The following DOCK4 variants were observed in gnomAD, a reference collection of about 807,000 sequenced individuals.
DOCK4 encodes dedicator of cytokinesis 4, also known as dedicator of cytokinesis protein 4.
Under a neutral mutation model 268.1 loss-of-function variants are expected in DOCK4, and 97 were observed. The observed-to-expected ratio is 0.36, with a 90% CI of 0.31 to 0.43. The LOEUF is 0.43. Ranked by LOEUF, DOCK4 falls within the 20% of genes least tolerant of loss-of-function variation. The probability of loss-of-function intolerance (pLI) is 1.00; values close to 1 mark genes in which losing one functional copy is unlikely to be tolerated. For missense variants in DOCK4, 2,145 were observed against 2,455.7 expected, an observed-to-expected ratio of 0.87 and a Z score of 2.67; for synonymous variants, 954 against 887.2, an observed-to-expected ratio of 1.08 and a Z score of -1.34.
At chr7:112,093,300 G>T (rs948850954) in intron 1 of DOCK4, among the ~76,000 whole-genome samples, 1 of 152,080 alleles carries the variant, frequency 6.6e-6, no homozygotes, top group Non-Finnish European at 1.5e-5. Context: ...CTCTGTTCCT[G>T]TTAACACTGT....
chr7:112,066,664 C>CATATACATATACAT (rs1484842969), intron 1 of DOCK4, among the ~76,000 whole-genome samples: 2 of 30,108 alleles, frequency 6.6e-5, no homozygotes, highest in Non-Finnish European at 1.0e-4. Context: ...ACATATTATA[C>CATATACATATACAT]ATATACATAT....
rs1041928010 is a variant in DOCK4 at position 111,746,377 on chromosome 7, T to C, written c.4634A>G (p.Asp1545Gly). ...VKEYILSHPE[D>G]GEKIARLREL... ...TCTTAATCGTGCAATTTTCTCCCCA[T>C]CTTCAGGGTGACTTAAGATATATTC... The change falls in exon 44 of 53, where the codon GAT (aspartate) becomes GGT (glycine). Residue 1545 changes from aspartate (D) to glycine (G), a missense_variant. Asp to Gly is a moderately conservative substitution (Grantham distance 94). This residue lies in a region of DOCK4 where 1,598 missense variants were observed against 1,986.7 expected (regional missense o/e 0.80). Transcript: ENST00000428084. 9 of 1,612,884 alleles carry C rather than the reference T, an allele frequency of 5.6e-6. No individual in the cohort carries two copies. The highest frequency in any genetic ancestry group is 1.3e-5 in the African/African-American group (1 of 74,926).
At chr7:111,932,493 G>A (rs1005381007) in intron 12 of DOCK4, among the ~76,000 whole-genome samples, 1 of 152,122 alleles carries the variant, frequency 6.6e-6, no homozygotes, top group African/African-American at 2.4e-5. Context: ...GGATTTGTTT[G>A]TGATCCATAA....
chr7:111,909,917 G>T (rs192625907), intron 13 of DOCK4, among the ~76,000 whole-genome samples: 1 of 150,332 alleles, frequency 6.7e-6, no homozygotes, highest in African/African-American at 2.4e-5. Context: ...AGCCATGATT[G>T]TACTACTACA....
At chr7:111,787,300 A>G (rs1799236985) in intron 32 of DOCK4, among the ~76,000 whole-genome samples, 2 of 152,284 alleles carry the variant, frequency 1.3e-5, no homozygotes, top group South Asian at 4.1e-4. Context: ...CTGAAATGAG[A>G]GCAGTTTTCA....
intron 30 of DOCK4, among the ~76,000 whole-genome samples, chr7:111,794,779 G>A (rs994242018): frequency 6.6e-5 from 10 of 152,142 alleles, no homozygotes; most frequent in African/African-American, 2.2e-4. Flanking sequence ...CAACTTGCCC[G>A]AAGTCACCCA....
chr7:111,750,007 G>C (rs1796528040), intron 42 of DOCK4, among the ~76,000 whole-genome samples: 1 of 152,180 alleles, frequency 6.6e-6, no homozygotes, highest in Non-Finnish European at 1.5e-5. Context: ...AAAGATATGT[G>C]ATAGAGTGTT....
At chr7:111,779,745 T>G (rs1798678006) in intron 35 of DOCK4, among the ~76,000 whole-genome samples, 1 of 152,160 alleles carries the variant, frequency 6.6e-6, no homozygotes, top group Admixed American at 6.6e-5. Context: ...CAAAGCTACT[T>G]CTTCACCACA....
At chr7:111,767,946 C>CT (rs1434356226) in intron 37 of DOCK4, among the ~76,000 whole-genome samples, 3 of 152,038 alleles carry the variant, frequency 2.0e-5, no homozygotes, top group African/African-American at 7.3e-5. Flanking sequence ...AAAGTCAAAA[C>CT]TTTAGTCTTT....
chr7:112,046,624 A>C (rs1325293509), intron 1 of DOCK4, among the ~76,000 whole-genome samples: 5 of 152,058 alleles, frequency 3.3e-5, no homozygotes, highest in Non-Finnish European at 7.4e-5. Context: ...TCATTACTGC[A>C]CTCCAGCCTG....
chr7:111,782,700 T>C (rs1798862581), intron 35 of DOCK4, among the ~76,000 whole-genome samples, 164 bp downstream of exon 35: 1 of 152,188 alleles, frequency 6.6e-6, no homozygotes, highest in African/African-American at 2.4e-5. Flanking sequence ...GACTTTAATT[T>C]AACCTGCAGC....
chr7:111,863,541 A>G lies in DOCK4; in HGVS notation c.2304T>C (p.Pro768=). 1.2e-6 allele frequency: 2 copies of G among 1,608,164 alleles called. No individual in the cohort carries two copies. The highest frequency in any genetic ancestry group is 1.7e-6 in the Non-Finnish European group (2 of 1,175,912). Residue 768 remains proline (P), a synonymous_variant, in exon 23 of 53, where the codon CCT becomes CCC. Transcript: ENST00000428084. The part of the protein sequence containing the change: ...QSQAVFLSSF[P]AVYSELLKLF... ...GCTTCAACAGTTCTGAGTACACGGC[A>G]GGGAAAGAGCTCAGAAACACAGCCT... is the stretch of plus-strand genomic sequence containing the variant.
At chr7:112,002,165 G>A (rs919942494) in intron 2 of DOCK4, among the ~76,000 whole-genome samples, 4 of 151,986 alleles carry the variant, frequency 2.6e-5, no homozygotes, top group South Asian at 2.1e-4. Flanking sequence ...GTAAAATATC[G>A]TCCCTAACAG....
chr7:112,096,337 T>A (rs1203922892), intron 1 of DOCK4, among the ~76,000 whole-genome samples: 2 of 152,032 alleles, frequency 1.3e-5, no homozygotes, highest in African/African-American at 4.8e-5. Flanking sequence ...CGTCTAATTT[T>A]TTTATTTTTT....
chr7:111,842,208 C>A (rs763126593), intron 25 of DOCK4, among the ~76,000 whole-genome samples: 1 of 152,156 alleles, frequency 6.6e-6, no homozygotes, highest in South Asian at 2.1e-4. Flanking sequence ...GGAGAGAGGG[C>A]AGACTGGCCA....
intron 1 of DOCK4, among the ~76,000 whole-genome samples, chr7:112,173,935 G>C (rs1218385667): frequency 6.6e-6 from 1 of 152,110 alleles, no homozygotes; most frequent in Admixed American, 6.5e-5. Context: ...CCAGCCCTGG[G>C]CAGGTGACCC....
intron 1 of DOCK4, among the ~76,000 whole-genome samples, chr7:112,157,114 T>C (rs1359920391): frequency 6.6e-6 from 1 of 152,012 alleles, no homozygotes; most frequent in Non-Finnish European, 1.5e-5. Context: ...TATTGGGAGG[T>C]GAGACTCAAA....
At chr7:111,793,776 G>C (rs563797833) in intron 30 of DOCK4, among the ~76,000 whole-genome samples, 4 of 152,256 alleles carry the variant, frequency 2.6e-5, no homozygotes, top group African/African-American at 9.6e-5. Context: ...AGCACTTTGG[G>C]AGGCCAAGGC....
At chr7:111,774,584 GAA>G (rs1798332290) in intron 36 of DOCK4, among the ~76,000 whole-genome samples, 1 of 152,058 alleles carries the variant, frequency 6.6e-6, no homozygotes, top group Non-Finnish European at 1.5e-5. Flanking sequence ...AGAAAGAGAA[GAA>G]AAAGAACTTC....
Sources: gnomAD v4.1 joint callset for allele counts (sites outside exome capture counted in the v4.1 genomes callset) on GRCh38, gnomAD v4.1.1 for gene constraint, gnomAD v4.1.1 regional missense constraint, MANE v1.5 for transcripts, NCBI Gene and HGNC (gene_info 2026-07-23, HGNC 2026-07-21) for gene names.